Variants in MYO1G observed in about 807,000 individuals in gnomAD.
MYO1G encodes unconventional myosin-Ig.
MYO1G carries 65 observed loss-of-function variants against 115.3 expected under a neutral mutation model. That is an observed-to-expected ratio of 0.56 (90% CI 0.46 to 0.69). The LOEUF is 0.69. Among genes scored for constraint, MYO1G ranks in the 30% least tolerant of loss-of-function variants. The pLI is 0.00. For synonymous variants in MYO1G, 510 were observed against 552.6 expected (o/e 0.92, Z 1.08); for missense variants, 1,204 against 1,393.5 (o/e 0.86, Z 2.16).
rs996117462 is a variant in MYO1G at position 44,977,504 on chromosome 7, G to T, written c.96-433C>A. Among the ~76,000 whole-genome samples, 4 of 152,166 alleles carry T rather than the reference G, an allele frequency of 2.6e-5. No individual in the cohort carries two copies. In the East Asian group the frequency reaches 5.8e-4, roughly 22 times the overall value. On this transcript the variant is annotated intron_variant, in intron 1 of 21. Coordinates refer to ENST00000258787, the MANE Select transcript of MYO1G (RefSeq NM_033054.3). ...GGAGGGGCCTCCTCGGCTGTTTCCT[G>T]TCTCAAGGCCTGGGCGGGAACCCAG...
chr7:44,968,327 C>A (rs1328013229), intron 12 of MYO1G, among the ~76,000 whole-genome samples: 2 of 152,134 alleles, frequency 1.3e-5, no homozygotes, highest in Non-Finnish European at 2.9e-5. Context: ...ACAGTGCCTA[C>A]TGAATTTTGA....
chr7:44,969,303 G>T lies in MYO1G; in HGVS notation c.1574+110C>A. 1.0e-6 allele frequency: 1 copy of T among 970,358 alleles called. No homozygotes were observed. The highest frequency in any genetic ancestry group is 1.7e-6 in the Non-Finnish European group (1 of 599,604). 60.1% of individuals were successfully genotyped at this position (970,358 alleles called of 1,614,324 possible). The stretch of plus-strand genomic sequence containing the variant: ...TCTTAAAGGGGTGGGGGTGGCAGAA[G>T]TGGCCATAACACCTGTCTCCGAGCC... On this transcript the variant is annotated intron_variant, in intron 12 of 21. Transcript: ENST00000258787. The surrounding 1 kb of genome is among the most constrained non-coding windows in gnomAD (Gnocchi z 5.0).
chr7:44,967,516 T>G, intron 14 of MYO1G, 89 bp downstream of exon 14: 1 of 1,519,544 alleles, frequency 6.6e-7, no homozygotes, highest in Non-Finnish European at 9.0e-7. Flanking sequence ...ACCACTATGA[T>G]GTACAGAGGT....
Position 44,970,288 on chromosome 7 carries a change from G to GTGGCTTA in MYO1G, c.1218-141_1218-135dup. 3 of 735,764 alleles carry GTGGCTTA rather than the reference G, an allele frequency of 4.1e-6. No individual in the cohort carries two copies. In the South Asian group the frequency reaches 5.1e-5, roughly 13 times the overall value. 45.6% of individuals were successfully genotyped at this position (735,764 alleles called of 1,614,324 possible). On this transcript the variant is annotated intron_variant, in intron 9 of 21. Transcript: ENST00000258787. ...TGCCAGCACCCTGTGTGGCTTCCCT[G>GTGGCTTA]TGGCTTATGCATCCCTGCCCTGGAC...
rs2128700977 is a variant in MYO1G, at chr7:44,964,802, G to A, written c.2526+143C>T. ...GGATGAGACCTTGCAGAGCTCTGGT[G>A]GGGGCTGAGGTACAGGGCCACCAGG... On this transcript the variant is annotated intron_variant, in intron 18 of 21. Coordinates refer to ENST00000258787, the MANE Select transcript of MYO1G (RefSeq NM_033054.3). This position sits in a 1 kb window ranked among gnomAD's most constrained non-coding sequence, Gnocchi z 5.1. 1.6e-6 allele frequency: 2 copies of A among 1,266,056 alleles called. No homozygotes were observed. The highest frequency in any genetic ancestry group is 2.3e-5 in the East Asian group (1 of 42,696). 78.4% of individuals were successfully genotyped at this position (1,266,056 alleles called of 1,614,324 possible).
Position 44,969,127 on chromosome 7 carries a change from C to T in MYO1G, c.1574+286G>A. ...CACATCACCAGCCTGAAGCCCCCCA[C>T]CCCACAGATGCTGGTATAGGGTTGG... On this transcript the variant is annotated intron_variant, in intron 12 of 21. Transcript: ENST00000258787. This position sits in a 1 kb window ranked among gnomAD's most constrained non-coding sequence, Gnocchi z 5.0. 1 of 333,898 alleles carries T rather than the reference C, an allele frequency of 3.0e-6. No homozygotes were observed. Among genetic ancestry groups the T allele is most frequent in the Non-Finnish European group, 5.7e-6 (1 of 174,388 alleles). 20.7% of individuals were successfully genotyped at this position (333,898 alleles called of 1,614,324 possible). A position where few individuals can be genotyped will look rare whatever the true frequency, so the allele number is the denominator to read the frequency against.
chr7:44,963,805 G>A lies in MYO1G; in HGVS notation c.2745+244C>T. 1.9e-6 allele frequency: 1 copy of A among 523,340 alleles called. No individual in the cohort carries two copies. The highest frequency in any genetic ancestry group is 2.4e-5 in the South Asian group (1 of 42,240). 32.4% of individuals were successfully genotyped at this position (523,340 alleles called of 1,614,324 possible). On this transcript the variant is annotated intron_variant, in intron 20 of 21. Coordinates refer to ENST00000258787, the MANE Select transcript of MYO1G (RefSeq NM_033054.3). This position sits in a 1 kb window ranked among gnomAD's most constrained non-coding sequence, Gnocchi z 4.1. ...TTGGAAGAGGGGACCATTTGGCTTG[G>A]CTAGAGTGTGAGAGTGGGGGTGGGG...
intron 17 of MYO1G, 69 bp downstream of exon 17, chr7:44,965,568 C>G: frequency 6.8e-7 from 1 of 1,471,912 alleles, no homozygotes; most frequent in Non-Finnish European, 9.4e-7. Context: ...ACTGCAGGCC[C>G]GGGATGATGG....
intron 2 of MYO1G, 26 bp downstream of exon 2, chr7:44,976,837 G>A (rs547204107): frequency 4.3e-6 from 7 of 1,609,924 alleles, no homozygotes; most frequent in South Asian, 3.3e-5. Context: ...TGCCGAGGGT[G>A]GGGGCCCGGC....
intron 12 of MYO1G, 67 bp from the exon 13 acceptor site, chr7:44,968,025 C>T (rs946045352): frequency 7.7e-7 from 1 of 1,306,754 alleles, no homozygotes; most frequent in African/African-American, 1.5e-5. Context: ...CTAATGACCC[C>T]AGCAGCCCCC....
At chr7:44,971,594 C>T (rs1794958574) in intron 7 of MYO1G, 79 bp downstream of exon 7, 3 of 1,048,828 alleles carry the variant, frequency 2.9e-6, no homozygotes, top group Non-Finnish European at 4.3e-6. Flanking sequence ...CAGCCAGTCT[C>T]CTCCTCATCC....
chr7:44,967,053 G>C (rs548743340), intron 14 of MYO1G, among the ~76,000 whole-genome samples: 3 of 152,340 alleles, frequency 2.0e-5, no homozygotes, highest in East Asian at 1.9e-4. Context: ...CCCTGGTCGG[G>C]GGGTGGGGAG....
Position 44,975,229 on chromosome 7 carries a change from T to C in MYO1G, c.565-2A>G. The C allele has an allele frequency of 1.2e-6, 2 of 1,613,894 alleles. No homozygotes were observed. The highest frequency in any genetic ancestry group is 1.7e-6 in the Non-Finnish European group (2 of 1,179,924). On this transcript the variant is annotated splice_acceptor_variant, in intron 4 of 21. Transcript: ENST00000258787. LOFTEE classifies it high-confidence loss of function. ...CACGTGCTGCTTGAGGACCCGAGAC[T>C]GAGGAGAGAGGGGCAGATGGACTCA...
Position 44,964,066 on chromosome 7 carries a change from C to T in MYO1G, c.2728G>A (p.Ala910Thr), listed in dbSNP as rs1562826166. Reference protein sequence around the residue: ...DPDRQYRVMRAVPLEAVTGLS... With the variant: ...DPDRQYRVMRTVPLEAVTGLS... ...TTGCTCACCGCCTCAAGGGGCACGGCCCGCATCACCCGGTACTGCCGGTCA... is the reference window on the plus strand; with the variant it reads ...TTGCTCACCGCCTCAAGGGGCACGGTCCGCATCACCCGGTACTGCCGGTCA... The change falls in exon 20 of 22, where the codon GCC becomes ACC. Residue 910 changes from alanine to threonine, a missense_variant. Ala to Thr is a moderately conservative substitution (Grantham distance 58, BLOSUM62 0). Coordinates refer to ENST00000258787, the MANE Select transcript of MYO1G (RefSeq NM_033054.3). The surrounding 1 kb of genome is among the most constrained non-coding windows in gnomAD (Gnocchi z 5.1). 1 of 1,598,062 alleles carries T rather than the reference C, an allele frequency of 6.3e-7. No homozygotes were observed. Among genetic ancestry groups the T allele is most frequent in the Middle Eastern group, 1.7e-4 (1 of 6,038 alleles).
Position 44,963,367 on chromosome 7 carries a change from C to A in MYO1G, c.2746-243G>T. The A allele has an allele frequency of 2.0e-6, 1 of 498,458 alleles. No individual in the cohort carries two copies. Among genetic ancestry groups the A allele is most frequent in the Non-Finnish European group, 3.5e-6 (1 of 287,530 alleles). The allele number at this position is 498,458 out of a possible 1,614,324, so 30.9% of individuals were successfully genotyped here. A position where few individuals can be genotyped will look rare whatever the true frequency, so the allele number is the denominator to read the frequency against. On this transcript the variant is annotated intron_variant, in intron 20 of 21. Transcript: ENST00000258787. This position sits in a 1 kb window ranked among gnomAD's most constrained non-coding sequence, Gnocchi z 4.1. ...CAGGACTGATGGTTCTAGATCCTTG[C>A]TGTCCAACAGGGCCGCCACTGCTCA...
In MYO1G at chr7:44,971,800, A is replaced by G; in HGVS notation, c.730-11T>C. ...ATCACTGTCCAAGGCCTAGGGTAGA[A>G]GGGATTCATCACTCCAAAGCCACAC... On this transcript the variant is annotated splice_polypyrimidine_tract_variant and intron_variant, in intron 6 of 21. Transcript: ENST00000258787. The G allele has an allele frequency of 6.5e-7, 1 of 1,547,636 alleles. No homozygotes were observed. The highest frequency in any genetic ancestry group is 8.8e-7 in the Non-Finnish European group (1 of 1,142,026).
intron 17 of MYO1G, 100 bp downstream of exon 17, chr7:44,965,537 T>A: frequency 4.5e-6 from 5 of 1,109,926 alleles, no homozygotes; most frequent in Non-Finnish European, 5.4e-6. Context: ...TCAAGGGGGC[T>A]GGTGTATCTC....
rs763720788 is a variant in MYO1G, at chr7:44,977,057, C to T, written c.110G>A (p.Arg37His). ...CACCTCACCGATGTAGGTGTAGATG[C>T]GGCCCTTCTCGAACCTGGACACAGC... ...RNLQLRFEKG[R>H]IYTYIGEVLV... Residue 37 changes from arginine (R) to histidine (H), a missense_variant, in exon 2 of 22, where the codon CGC becomes CAC. Coordinates refer to ENST00000258787, the MANE Select transcript of MYO1G (RefSeq NM_033054.3). 1.1e-5 allele frequency: 18 copies of T among 1,611,898 alleles called. No individual in the cohort carries two copies. Among genetic ancestry groups the T allele is most frequent in the East Asian group, 6.7e-5 (3 of 44,794 alleles).
Position 44,977,058 on chromosome 7 carries a change from G to A in MYO1G, c.109C>T (p.Arg37Cys), listed in dbSNP as rs370803021. ...RNLQLRFEKG[R>C]IYTYIGEVLV... ...ACCTCACCGATGTAGGTGTAGATGCGGCCCTTCTCGAACCTGGACACAGCA... is the reference window on the plus strand; with the variant it reads ...ACCTCACCGATGTAGGTGTAGATGCAGCCCTTCTCGAACCTGGACACAGCA... The change falls in exon 2 of 22, where the codon CGC becomes TGC. Residue 37 changes from arginine (R) to cysteine (C), a missense_variant. Physicochemically the swap from Arg to Cys is radical, Grantham distance 180. Transcript: ENST00000258787. The A allele has an allele frequency of 2.7e-5, 43 of 1,612,322 alleles. 1 individual carries two copies. In the Middle Eastern group the frequency reaches 5.0e-4, roughly 19 times the overall value.
Sources: gnomAD v4.1 joint callset for allele counts (sites outside exome capture counted in the v4.1 genomes callset) on GRCh38, gnomAD v4.1.1 for gene constraint, Gnocchi (gnomAD v3.1) non-coding constraint, MANE v1.5 for transcripts, NCBI Gene and HGNC (gene_info 2026-07-23, HGNC 2026-07-21) for gene names.